The following VIPR2 variants were observed in gnomAD, a reference collection of about 807,000 sequenced individuals.
VIPR2 encodes vasoactive intestinal peptide receptor 2, also known as vasoactive intestinal polypeptide receptor 2.
Under a neutral mutation model 58.0 loss-of-function variants are expected in VIPR2, and 48 were observed. That is an observed-to-expected ratio of 0.83 (90% confidence interval 0.66 to 1.05). The LOEUF is 1.05. VIPR2 is among the 50% of genes least tolerant of loss of function. VIPR2 has a pLI of 0.00. For missense variants in VIPR2, 534 were observed against 558.0 expected (o/e 0.96, Z 0.43); for synonymous variants, 243 against 235.2 (o/e 1.03, Z -0.30).
rs771748798 is a variant in VIPR2, at chr7:159,036,818, G to A, written c.682C>T (p.His228Tyr). 1 of 1,613,984 alleles carries A rather than the reference G, an allele frequency of 6.2e-7. No individual in the cohort carries two copies. The highest frequency in any genetic ancestry group is 8.5e-7 in the Non-Finnish European group (1 of 1,179,978). Residue 228 changes from histidine (H) to tyrosine (Y), a missense_variant, in exon 7 of 13, where the codon CAC becomes TAC. Physicochemically the swap from His to Tyr is moderately conservative, Grantham distance 83 (BLOSUM62 2). Around this residue, in one of 3 missense-constraint regions of VIPR2, gnomAD observed 306 missense variants for 285.8 expected, o/e 1.07. Transcript: ENST00000262178. ...GGGAGCATGGCCACCAGGAGGGTGT[G>A]GAGGTAGAGCCCCTCCACCAGCAGC... is the stretch of plus-strand genomic sequence containing the variant. ...FWLLVEGLYL[H>Y]TLLVAMLPPR...
In VIPR2 at chr7:159,096,838, G is replaced by T; in HGVS notation, c.357+6919C>A. ...CCCAGCTCTTGTCCCGGCCCACCTCGGGATGCTTCCGCCGTACTGTGTCCA... is the reference window on the plus strand; with the variant it reads ...CCCAGCTCTTGTCCCGGCCCACCTCTGGATGCTTCCGCCGTACTGTGTCCA... On this transcript the variant is annotated intron_variant, in intron 4 of 12. Transcript: ENST00000262178. This position sits in a 1 kb window ranked among gnomAD's most constrained non-coding sequence, Gnocchi z 5.5. The T allele has an allele frequency of 6.7e-7, 1 of 1,487,788 alleles. No individual in the cohort carries two copies. The highest frequency in any genetic ancestry group is 1.3e-5 in the South Asian group (1 of 76,374). The allele number at this position is 1,487,788 out of a possible 1,614,324, so 92.2% of individuals were successfully genotyped here. A position where few individuals can be genotyped will look rare whatever the true frequency, so the allele number is the denominator to read the frequency against.
At chr7:159,040,244 C>T (rs1353585031) in intron 6 of VIPR2, among the ~76,000 whole-genome samples, 1 of 152,210 alleles carries the variant, frequency 6.6e-6, no homozygotes, top group Non-Finnish European at 1.5e-5. Context: ...GGGCCAGTTG[C>T]CACCCACAGG....
Position 159,144,853 on chromosome 7 carries a change from G to T in VIPR2, c.-82C>A, listed in dbSNP as rs1797626691. On this transcript the variant is annotated 5_prime_UTR_variant, in exon 1 of 13. Transcript: ENST00000262178. ...CGCGGTTCCGCCGCCTCCAGCATGG[G>T]CCGGGAGCGAGTGCGCGGAGACCTC... 2.5e-6 allele frequency: 3 copies of T among 1,198,424 alleles called. No homozygotes were observed. The highest frequency in any genetic ancestry group is 3.1e-6 in the Non-Finnish European group (3 of 959,348). The allele number at this position is 1,198,424 out of a possible 1,614,324, so 74.2% of individuals were successfully genotyped here.
chr7:159,054,758 A>T lies in VIPR2; in HGVS notation c.455+3723T>A, dbSNP rs116127386. On this transcript the variant is annotated intron_variant, in intron 5 of 12. Coordinates refer to ENST00000262178, the MANE Select transcript of VIPR2 (RefSeq NM_003382.5). Reference sequence around the variant, plus strand: ...CTTTGGAAATTACTTGGCAGCATTCATTTTTTAATAAATTTATTTTTAATG... The same window carrying T: ...CTTTGGAAATTACTTGGCAGCATTCTTTTTTTAATAAATTTATTTTTAATG... 4.3e-3 allele frequency among the ~76,000 whole-genome samples: 659 copies of T among 152,246 alleles called. 2 individuals carry two copies. The highest frequency in any genetic ancestry group is 0.015 in the African/African-American group (633 of 41,548).
intron 5 of VIPR2, 140 bp downstream of exon 5, chr7:159,058,341 T>C (rs1037916689): frequency 2.9e-6 from 2 of 691,722 alleles, no homozygotes; most frequent in Non-Finnish European, 5.1e-6. Flanking sequence ...GTTAACATCA[T>C]ATTTAATGGC....
chr7:159,043,169 G>A lies in VIPR2; in HGVS notation c.463C>T (p.His155Tyr), dbSNP rs534492909. 1.2e-4 allele frequency: 201 copies of A among 1,612,196 alleles called. No homozygotes were observed. In the East Asian group the frequency reaches 3.7e-3, roughly 30 times the overall value. ...AGGTGGATGTAATTCCTGGTGCAGT[G>A]CAGCTTCCTGAGGTGGGGGAGTGGG... ...SIILCLFRKL[H>Y]CTRNYIHLNL... is the part of the protein sequence containing the mutation. Residue 155 changes from histidine (H) to tyrosine (Y), a missense_variant, in exon 6 of 13, where the codon CAC becomes TAC. Transcript: ENST00000262178.
chr7:159,065,343 G>A (rs1856021773), intron 4 of VIPR2, among the ~76,000 whole-genome samples: 2 of 152,124 alleles, frequency 1.3e-5, no homozygotes, highest in Admixed American at 6.5e-5. Flanking sequence ...GCAGGAGGGC[G>A]GCCACCCCAG....
At chr7:159,102,111 G>A (rs1230915543) in intron 4 of VIPR2, among the ~76,000 whole-genome samples, 5 of 130,976 alleles carry the variant, frequency 3.8e-5, no homozygotes, top group Admixed American at 7.7e-5. Flanking sequence ...CTGGTCTCAC[G>A]AGATCCGACA....
chr7:159,108,823 A>G (rs980811090), intron 3 of VIPR2, among the ~76,000 whole-genome samples: 2 of 152,210 alleles, frequency 1.3e-5, no homozygotes, highest in African/African-American at 4.8e-5. Flanking sequence ...CTCAGTAGAA[A>G]TGCTACTGAT....
intron 2 of VIPR2, among the ~76,000 whole-genome samples, chr7:159,131,569 C>A (rs1245907130): frequency 6.6e-6 from 1 of 152,224 alleles, no homozygotes; most frequent in African/African-American, 2.4e-5. Flanking sequence ...CCCCACAGGA[C>A]TTTGCTGCTT....
chr7:159,125,898 G>A (rs73730173), intron 2 of VIPR2, among the ~76,000 whole-genome samples: 1,686 of 152,246 alleles, frequency 0.011, 33 homozygotes, highest in African/African-American at 0.038. Context: ...CACTGCCAGC[G>A]TCCCTGCCTA....
At chr7:159,074,534 C>T (rs1036821223) in intron 4 of VIPR2, among the ~76,000 whole-genome samples, 9 of 152,182 alleles carry the variant, frequency 5.9e-5, no homozygotes, top group African/African-American at 1.7e-4. Flanking sequence ...GACAAGGAAT[C>T]GGCTGCACCT....
At position 159,047,410 on chromosome 7, in the gene VIPR2, T is replaced by C. The variant is rs78966559; in HGVS notation, c.456-4234A>G. On this transcript the variant is annotated intron_variant, in intron 5 of 12. Coordinates refer to ENST00000262178, the MANE Select transcript of VIPR2 (RefSeq NM_003382.5). ...GAAGAATTCCAAATTTATAAACAAA[T>C]GTCAATTGTTTATAAAAATTAGAAA... is the stretch of plus-strand genomic sequence containing the variant. 2.6e-4 allele frequency among the ~76,000 whole-genome samples: 39 copies of C among 152,346 alleles called. No individual in the cohort carries two copies. The South Asian group carries it at 3.9e-3, about 15-fold the overall frequency.
intron 4 of VIPR2, among the ~76,000 whole-genome samples, chr7:159,069,014 C>A (rs1563294324): frequency 6.6e-6 from 1 of 152,204 alleles, no homozygotes; most frequent in Admixed American, 6.5e-5. Context: ...CTGGGCTGTG[C>A]AGTACTACGG....
At chr7:159,080,838 G>A (rs1438467454) in intron 4 of VIPR2, among the ~76,000 whole-genome samples, 2 of 152,124 alleles carry the variant, frequency 1.3e-5, no homozygotes, top group African/African-American at 4.8e-5. Context: ...CAAACAGAGA[G>A]CCAAATCATG....
intron 2 of VIPR2, among the ~76,000 whole-genome samples, chr7:159,126,919 T>A (rs1274813136): frequency 2.0e-5 from 3 of 152,248 alleles, no homozygotes; most frequent in Admixed American, 2.0e-4. Context: ...GACCAGGGCT[T>A]TTCTTGCCAG....
In VIPR2 at chr7:159,097,349, A is replaced by C; in HGVS notation, c.357+6408T>G. The C allele has an allele frequency of 1.9e-6, 2 of 1,078,546 alleles. No homozygotes were observed. The highest frequency in any genetic ancestry group is 1.2e-6 in the Non-Finnish European group (1 of 818,838). 66.8% of individuals were successfully genotyped at this position (1,078,546 alleles called of 1,614,324 possible). On this transcript the variant is annotated intron_variant, in intron 4 of 12. Transcript: ENST00000262178. The surrounding 1 kb of genome is among the most constrained non-coding windows in gnomAD (Gnocchi z 5.3). ...AATGCCAAACAGTTCTCTTGGCTAA[A>C]TTTAGCAGACGTGCTCTTTATGTAA... is the stretch of plus-strand genomic sequence containing the variant.
chr7:159,061,699 C>T (rs1324740706), intron 4 of VIPR2, among the ~76,000 whole-genome samples: 1 of 152,184 alleles, frequency 6.6e-6, no homozygotes, highest in African/African-American at 2.4e-5. Context: ...ATAATCCATA[C>T]TTCCACCCTT....
intron 2 of VIPR2, among the ~76,000 whole-genome samples, chr7:159,115,366 G>A (rs189915469): frequency 6.6e-5 from 10 of 152,358 alleles, no homozygotes; most frequent in Admixed American, 5.2e-4. Context: ...CAGAGGAGCC[G>A]CTTCTCTGGG....
Sources: gnomAD v4.1 joint callset for allele counts (sites outside exome capture counted in the v4.1 genomes callset) on GRCh38, gnomAD v4.1.1 for gene constraint, gnomAD v4.1.1 regional missense constraint, Gnocchi (gnomAD v3.1) non-coding constraint, MANE v1.5 for transcripts, NCBI Gene and HGNC (gene_info 2026-07-23, HGNC 2026-07-21) for gene names.